FILIP1: variants seen among roughly 807,000 people sequenced by gnomAD.
FILIP1 encodes the protein filamin A interacting protein 1.
FILIP1 carries 61 observed loss-of-function variants against 102.1 expected under a neutral mutation model. The ratio of observed to expected loss-of-function variants is 0.60; its 90% CI spans 0.49 to 0.74. FILIP1 has a LOEUF of 0.74. Among genes scored for constraint, FILIP1 ranks in the 30% least tolerant of loss-of-function variants. The pLI, the probability that FILIP1 is intolerant of heterozygous loss-of-function variation, is 0.00. For missense variants in FILIP1, 1,314 were observed against 1,441.2 expected, an observed-to-expected ratio of 0.91 and a Z score of 1.43; for synonymous variants, 491 against 526.9, an observed-to-expected ratio of 0.93 and a Z score of 0.93.
downstream of FILIP1, among the ~76,000 whole-genome samples, chr6:75,303,309 G>C (rs934011166): frequency 1.3e-5 from 2 of 152,198 alleles, no homozygotes; most frequent in Non-Finnish European, 1.5e-5. Context: ...GGAGTCATTG[G>C]CATCTGGGTG....
exon 7 of FILIP1, chr6:75,292,521 A>G (rs1235949836): frequency 6.6e-6 from 1 of 152,246 alleles, no homozygotes; most frequent in Non-Finnish European, 1.5e-5. Flanking sequence ...ATTAAGAAAT[A>G]CTAATGGTTA....
chr6:75,436,536 A>G (rs1778028774), intron 1 of FILIP1, among the ~76,000 whole-genome samples: 2 of 152,336 alleles, frequency 1.3e-5, no homozygotes, highest in South Asian at 2.1e-4. Context: ...TTGAGGCTGC[A>G]TTTACTTAGA....
chr6:75,352,944 C>T (rs909247736), intron 4 of FILIP1, among the ~76,000 whole-genome samples: 1 of 150,308 alleles, frequency 6.7e-6, no homozygotes, highest in Non-Finnish European at 1.5e-5. Flanking sequence ...CTACAAATTG[C>T]TTTCTATTTG....
At chr6:75,413,177 G>A (rs1019372128) in intron 2 of FILIP1, among the ~76,000 whole-genome samples, 5 of 152,076 alleles carry the variant, frequency 3.3e-5, no homozygotes, top group African/African-American at 4.8e-5. Context: ...CAAGAGCCAC[G>A]GACTTCCCAA....
In FILIP1 at chr6:75,406,661, C is replaced by CTTT. The variant is rs33981073; in HGVS notation, c.276+8033_276+8035dup. 1.6e-4 allele frequency among the ~76,000 whole-genome samples: 21 copies of CTTT among 132,956 alleles called. 1 individual carries two copies. Among genetic ancestry groups the CTTT allele is most frequent in the Middle Eastern group, 3.9e-3 (1 of 254 alleles). 87.2% of individuals were successfully genotyped at this position (132,956 alleles called of 152,430 possible). A position where few individuals can be genotyped will look rare whatever the true frequency, so the allele number is the denominator to read the frequency against. On this transcript the variant is annotated intron_variant, in intron 2 of 5. Transcript: ENST00000237172. The stretch of plus-strand genomic sequence containing the variant: ...TCAAATCTCTCGAATAGCAATGTTT[C>CTTT]TTTTTTTTTTTTTTTTCAGACGGAG...
At chr6:75,342,577 T>TAAA (rs1774449925) in intron 4 of FILIP1, among the ~76,000 whole-genome samples, 1 of 152,244 alleles carries the variant, frequency 6.6e-6, no homozygotes, top group Non-Finnish European at 1.5e-5. Context: ...CAGGATCTCC[T>TAAA]GAGTTCATTC....
rs560418154 is a variant in FILIP1 at position 75,368,223 on chromosome 6, G to A, written c.277-5306C>T. 1.9e-4 allele frequency among the ~76,000 whole-genome samples: 29 copies of A among 152,300 alleles called. 1 individual carries two copies. Among genetic ancestry groups the A allele is most frequent in the Admixed American group, 1.8e-3 (28 of 15,292 alleles). On this transcript the variant is annotated intron_variant, in intron 2 of 5. Transcript: ENST00000237172. ...ACCAGGTGGAACAAGGGGTTTCTCA[G>A]CTGGCTGGATAAGAAGCTGATTCAA...
intron 1 of FILIP1, among the ~76,000 whole-genome samples, chr6:75,478,028 T>A (rs1266139283): frequency 6.6e-6 from 1 of 152,182 alleles, no homozygotes; most frequent in African/African-American, 2.4e-5. Context: ...TTAAATATGA[T>A]GCTTGGACTC....
At chr6:75,375,089 G>C (rs1775707453) in intron 2 of FILIP1, among the ~76,000 whole-genome samples, 1 of 152,158 alleles carries the variant, frequency 6.6e-6, no homozygotes, top group Admixed American at 6.5e-5. Flanking sequence ...AGGGTCAGAG[G>C]GGAGGGGTGA....
chr6:75,460,640 A>G (rs1046981414), intron 1 of FILIP1, among the ~76,000 whole-genome samples: 1 of 152,238 alleles, frequency 6.6e-6, no homozygotes, highest in Non-Finnish European at 1.5e-5. Context: ...TTGATTTAAT[A>G]CTGAGGTGAA....
At chr6:75,392,602 G>C (rs912070269) in intron 2 of FILIP1, among the ~76,000 whole-genome samples, 1 of 152,154 alleles carries the variant, frequency 6.6e-6, no homozygotes, top group Non-Finnish European at 1.5e-5. Flanking sequence ...AATACAATGA[G>C]CTCTTCTACA....
chr6:75,308,980 A>T, intron 5 of FILIP1, 83 bp from the exon 6 acceptor site: 1 of 1,454,974 alleles, frequency 6.9e-7, no homozygotes, highest in Non-Finnish European at 9.4e-7. Flanking sequence ...CATTAGTGGG[A>T]CTCTTGCCAC....
intron 1 of FILIP1, among the ~76,000 whole-genome samples, chr6:75,478,936 T>C (rs764431022): frequency 5.3e-5 from 8 of 152,196 alleles, no homozygotes; most frequent in Non-Finnish European, 7.4e-5. Flanking sequence ...TTCTTCCACT[T>C]GCTCCTTGGT....
intron 1 of FILIP1, among the ~76,000 whole-genome samples, chr6:75,492,305 A>G (rs1779985373): frequency 1.3e-5 from 2 of 152,220 alleles, no homozygotes; most frequent in African/African-American, 4.8e-5. Flanking sequence ...TTGTCAACAA[A>G]TAATATGTTA....
At chr6:75,371,467 G>GA (rs1209762638) in intron 2 of FILIP1, among the ~76,000 whole-genome samples, 2 of 152,008 alleles carry the variant, frequency 1.3e-5, no homozygotes, top group Admixed American at 1.3e-4. Context: ...TGCAGAAATA[G>GA]AAAAAAATCC....
chr6:75,443,960 C>A (rs1409559111), intron 1 of FILIP1, among the ~76,000 whole-genome samples: 5 of 152,154 alleles, frequency 3.3e-5, no homozygotes, highest in African/African-American at 1.2e-4. Flanking sequence ...ACCATTTGAG[C>A]TTTGTAGAGA....
chr6:75,373,835 C>T (rs1775658466), intron 2 of FILIP1, among the ~76,000 whole-genome samples: 1 of 151,998 alleles, frequency 6.6e-6, no homozygotes, highest in Non-Finnish European at 1.5e-5. Context: ...ATGGCAAAAC[C>T]CTGTCTCTAT....
chr6:75,321,851 A>C (rs1216637649), intron 4 of FILIP1, among the ~76,000 whole-genome samples: 2 of 152,084 alleles, frequency 1.3e-5, no homozygotes, highest in Non-Finnish European at 2.9e-5. Context: ...AACATATCTA[A>C]AGAGAGAAAA....
intron 4 of FILIP1, among the ~76,000 whole-genome samples, chr6:75,351,471 T>C (rs528741640): frequency 6.6e-6 from 1 of 152,362 alleles, no homozygotes; most frequent in East Asian, 1.9e-4. Flanking sequence ...AGTGACTTAC[T>C]ACCTTAAAGG....
Sources: gnomAD v4.1 joint callset for allele counts (sites outside exome capture counted in the v4.1 genomes callset) on GRCh38, gnomAD v4.1.1 for gene constraint, MANE v1.5 for transcripts, NCBI Gene and HGNC (gene_info 2026-07-23, HGNC 2026-07-21) for gene names.